Variants in PCDHGA8 observed in about 807,000 individuals in gnomAD.
The protein encoded by PCDHGA8 is protocadherin gamma-A8.
Under a neutral mutation model 59.2 loss-of-function variants are expected in PCDHGA8, and 45 were observed. The ratio of observed to expected loss-of-function variants is 0.76; its 90% confidence interval spans 0.60 to 0.98. The LOEUF is 0.98. Ranked by LOEUF, PCDHGA8 falls within the 50% of genes least tolerant of loss-of-function variation. The pLI is 0.00. For synonymous variants in PCDHGA8, 531 were observed against 519.0 expected, an observed-to-expected ratio of 1.02 and a Z score of -0.32; for missense variants, 1,257 against 1,196.2, an observed-to-expected ratio of 1.05 and a Z score of -0.75.
chr5:141,468,903 C>T (rs1265804352), intron 1 of PCDHGA8, among the ~76,000 whole-genome samples: 1 of 151,614 alleles, frequency 6.6e-6, no homozygotes, highest in Non-Finnish European at 1.5e-5. Context: ...CTAATATGAT[C>T]CAGACTAGAA....
chr5:141,478,213 C>A (rs2099439229), intron 1 of PCDHGA8: 1 of 1,614,000 alleles, frequency 6.2e-7, no homozygotes, highest in Non-Finnish European at 8.5e-7. Context: ...TTTCTCTAAT[C>A]CTGGTTTCTG....
chr5:141,481,351 A>G (rs2099536232), intron 1 of PCDHGA8, among the ~76,000 whole-genome samples: 1 of 152,152 alleles, frequency 6.6e-6, no homozygotes, highest in Non-Finnish European at 1.5e-5. Context: ...TTAAACATCT[A>G]CAGCTGTTCA....
At chr5:141,414,679 G>A in intron 1 of PCDHGA8, 1 of 1,613,960 alleles carries the variant, frequency 6.2e-7, no homozygotes. Flanking sequence ...CACCATCCAG[G>A]GGGTACCTCT....
At chr5:141,403,167 C>G (rs775617849) in intron 1 of PCDHGA8, 1 of 1,614,026 alleles carries the variant, frequency 6.2e-7, no homozygotes, top group Non-Finnish European at 8.5e-7. Flanking sequence ...AGAGGTAGGA[C>G]GCAGCTTTTC....
At chr5:141,443,631 T>C (rs541727440) in intron 1 of PCDHGA8, among the ~76,000 whole-genome samples, 1 of 152,332 alleles carries the variant, frequency 6.6e-6, no homozygotes, top group South Asian at 2.1e-4. Context: ...ATTGTAAAAA[T>C]TGATCCAGAT....
Position 141,487,870 on chromosome 5 carries a change from C to A in PCDHGA8, c.2425-6937C>A. On this transcript the variant is annotated intron_variant, in intron 1 of 3. Transcript: ENST00000398604. This position sits in a 1 kb window ranked among gnomAD's most constrained non-coding sequence, Gnocchi z 5.0. ...AATGAAAGTAATTGGTGATCAAGAGCCAGGCTGTTGTGGAAGCATGATGAT... is the reference window on the plus strand; with the variant it reads ...AATGAAAGTAATTGGTGATCAAGAGACAGGCTGTTGTGGAAGCATGATGAT... 3.5e-6 allele frequency: 3 copies of A among 865,052 alleles called. No individual in the cohort carries two copies. The highest frequency in any genetic ancestry group is 5.3e-6 in the Non-Finnish European group (3 of 568,628). The allele number at this position is 865,052 out of a possible 1,614,324, so 53.6% of individuals were successfully genotyped here.
rs765634746 is a variant in PCDHGA8 at position 141,418,621 on chromosome 5, C to A, written c.2424+23384C>A. On this transcript the variant is annotated intron_variant, in intron 1 of 3. Transcript: ENST00000398604. Reference sequence around the variant, plus strand: ...TGTACAGGGTTAGCCTTCGGGAAGACGTGCCTCCAGGCACCTCCATCCTGA... The same window carrying A: ...TGTACAGGGTTAGCCTTCGGGAAGAAGTGCCTCCAGGCACCTCCATCCTGA... 8 of 1,614,034 alleles carry A rather than the reference C, an allele frequency of 5.0e-6. No individual in the cohort carries two copies. The East Asian group carries it at 1.8e-4, about 36-fold the overall frequency.
At chr5:141,395,345 A>G in intron 1 of PCDHGA8, 108 bp downstream of exon 1, 1 of 1,399,052 alleles carries the variant, frequency 7.1e-7, no homozygotes, top group South Asian at 1.5e-5. Flanking sequence ...TTTAAGGTGT[A>G]TCACAGAGTT....
At chr5:141,420,108 A>G (rs780657975) in intron 1 of PCDHGA8, 1 of 1,614,030 alleles carries the variant, frequency 6.2e-7, no homozygotes, top group Non-Finnish European at 8.5e-7. Flanking sequence ...ACGTTGCCCT[A>G]TGCCTATAAT....
At chr5:141,404,315 G>T (rs775576610) in intron 1 of PCDHGA8, 2 of 1,613,886 alleles carry the variant, frequency 1.2e-6, no homozygotes, top group African/African-American at 2.7e-5. Context: ...TTTCTCTCAA[G>T]CCTCCTACTC....
chr5:141,503,214 T>C (rs994291483), intron 2 of PCDHGA8, among the ~76,000 whole-genome samples: 7 of 152,096 alleles, frequency 4.6e-5, no homozygotes, highest in African/African-American at 1.7e-4. Flanking sequence ...GTGCCCACCA[T>C]GAGCACCGTA....
At chr5:141,475,803 G>T in intron 1 of PCDHGA8, 1 of 319,920 alleles carries the variant, frequency 3.1e-6, no homozygotes, top group Non-Finnish European at 5.7e-6. Flanking sequence ...GAAGCCAAAG[G>T]AAAGTGAAGT....
chr5:141,484,219 C>T (rs766309865), intron 1 of PCDHGA8, among the ~76,000 whole-genome samples: 1 of 152,162 alleles, frequency 6.6e-6, no homozygotes, highest in Non-Finnish European at 1.5e-5. Context: ...TAGCATTCTG[C>T]CAGGTAAAGA....
At chr5:141,408,712 T>G in intron 1 of PCDHGA8, 1 of 1,612,332 alleles carries the variant, frequency 6.2e-7, no homozygotes, top group Non-Finnish European at 8.5e-7. Flanking sequence ...TTAAAGATTA[T>G]AAGATAAACT....
At chr5:141,470,589 G>A (rs1593264687) in intron 1 of PCDHGA8, among the ~76,000 whole-genome samples, 1 of 152,300 alleles carries the variant, frequency 6.6e-6, no homozygotes, top group East Asian at 1.9e-4. Flanking sequence ...TCATAGGCAG[G>A]CGACCTGTGC....
At position 141,394,431 on chromosome 5, in the gene PCDHGA8, C is replaced by G; in HGVS notation, c.1618C>G (p.Pro540Ala). The G allele has an allele frequency of 1.2e-6, 2 of 1,614,252 alleles. No homozygotes were observed. Among genetic ancestry groups the G allele is most frequent in the Non-Finnish European group, 1.7e-6 (2 of 1,180,048 alleles). ...LLVTASDSGD[P>A]PLSSNMSLSL... ...GGTAACAGCCAGCGACAGCGGGGAC[C>G]CGCCCCTCAGCAGCAACATGTCACT... Residue 540 changes from proline (P) to alanine (A), a missense_variant, in exon 1 of 4, where the codon CCG becomes GCG. Physicochemically the swap from Pro to Ala is conservative, Grantham distance 27. Transcript: ENST00000398604.
intron 1 of PCDHGA8, chr5:141,423,010 G>C: frequency 6.2e-7 from 1 of 1,614,226 alleles, no homozygotes; most frequent in South Asian, 1.1e-5. Context: ...GGTGGTTGCG[G>C]TGGACAAAGA....
chr5:141,468,443 G>A (rs760789357), intron 1 of PCDHGA8: 6 of 152,124 alleles, frequency 3.9e-5, no homozygotes, highest in Non-Finnish European at 8.8e-5. Context: ...AAATGTGGGT[G>A]CAAAATTAAA....
chr5:141,504,242 GTTC>G (rs903218038), intron 2 of PCDHGA8, among the ~76,000 whole-genome samples: 25 of 152,170 alleles, frequency 1.6e-4, no homozygotes, highest in African/African-American at 5.1e-4. Context: ...GAAGCAGAGA[GTTC>G]TTCTTATGGT....
Sources: allele counts gnomAD v4.1 joint callset (sites outside exome capture counted in the v4.1 genomes callset), GRCh38; gene constraint gnomAD v4.1.1; non-coding constraint Gnocchi (gnomAD v3.1); transcripts MANE v1.5; gene names NCBI Gene and HGNC (gene_info 2026-07-23, HGNC 2026-07-21).